TMPRSS11E: variants seen among roughly 807,000 people sequenced by gnomAD.
TMPRSS11E encodes the protein transmembrane serine protease 11E, also known as transmembrane protease serine 11E.
In TMPRSS11E, 38 loss-of-function variants were observed where a neutral mutation model predicts 48.1. The observed-to-expected ratio is 0.79, with a 90% CI of 0.61 to 1.04. The LOEUF (loss-of-function observed/expected upper bound fraction) is 1.04. TMPRSS11E is among the 50% of genes least tolerant of loss of function. TMPRSS11E has a pLI of 0.00. For synonymous variants in TMPRSS11E, 158 were observed against 171.9 expected (o/e 0.92, Z 0.63); for missense variants, 530 against 510.8 (o/e 1.04, Z -0.36).
chr4:68,453,775 T>C (rs1038552452), intron 1 of TMPRSS11E, among the ~76,000 whole-genome samples: 2 of 151,962 alleles, frequency 1.3e-5, no homozygotes, highest in Non-Finnish European at 2.9e-5. Flanking sequence ...TTATTCCGTT[T>C]AATGTGAAAC....
In TMPRSS11E at chr4:68,468,794, T is replaced by C; in HGVS notation, c.259-85T>C. 6.5e-6 allele frequency: 7 copies of C among 1,070,418 alleles called. No homozygotes were observed. In the South Asian group the frequency reaches 9.0e-5, roughly 14 times the overall value. The allele number at this position is 1,070,418 out of a possible 1,614,324, so 66.3% of individuals were successfully genotyped here. On this transcript the variant is annotated intron_variant, in intron 3 of 9. Transcript: ENST00000305363. The stretch of plus-strand genomic sequence containing the variant: ...AATGTTTTTTGCTCTGTTTTGTTTT[T>C]TAATTTTCTAAAAAGCTTTGAATTA...
intron 2 of TMPRSS11E, among the ~76,000 whole-genome samples, chr4:68,463,217 CA>C (rs1728841454): frequency 6.6e-6 from 1 of 152,060 alleles, no homozygotes; most frequent in African/African-American, 2.4e-5. Flanking sequence ...ATATTTAAAA[CA>C]AAGATTTTTT....
At chr4:68,448,276 T>G (rs1728395699) in intron 1 of TMPRSS11E, among the ~76,000 whole-genome samples, 1 of 152,000 alleles carries the variant, frequency 6.6e-6, no homozygotes, top group African/African-American at 2.4e-5. Context: ...TGTTAAACTT[T>G]GAATGAAATC....
intron 2 of TMPRSS11E, among the ~76,000 whole-genome samples, chr4:68,464,299 A>G (rs1397199737): frequency 6.6e-6 from 1 of 152,242 alleles, no homozygotes. Flanking sequence ...AAAGGTAATC[A>G]GATTTGGAAA....
chr4:68,469,737 C>G (rs1729013398), intron 4 of TMPRSS11E, among the ~76,000 whole-genome samples: 1 of 151,858 alleles, frequency 6.6e-6, no homozygotes, highest in South Asian at 2.1e-4. Flanking sequence ...TATTGAAATA[C>G]AAGTTTCTAT....
chr4:68,496,834 T>C lies in TMPRSS11E; in HGVS notation c.*30T>C. On this transcript the variant is annotated 3_prime_UTR_variant, in exon 10 of 10. Transcript: ENST00000305363. ...GAAAAGCCTCATGGAACAGATAACA[T>C]TTTTTTTTGTTTTTTGGGTGTGGAG... 6.8e-6 allele frequency: 10 copies of C among 1,462,900 alleles called. No individual in the cohort carries two copies. Among genetic ancestry groups the C allele is most frequent in the Non-Finnish European group, 9.2e-6 (10 of 1,089,630 alleles). 90.6% of individuals were successfully genotyped at this position (1,462,900 alleles called of 1,614,324 possible). A position where few individuals can be genotyped will look rare whatever the true frequency, so the allele number is the denominator to read the frequency against.
intron 1 of TMPRSS11E, among the ~76,000 whole-genome samples, chr4:68,455,600 A>C (rs1728608324): frequency 2.0e-5 from 3 of 151,918 alleles, no homozygotes; most frequent in Admixed American, 1.3e-4. Context: ...AAATTTTAAA[A>C]AGTTTCTGAA....
chr4:68,479,499 A>G (rs1401766391), intron 9 of TMPRSS11E, among the ~76,000 whole-genome samples: 1 of 149,388 alleles, frequency 6.7e-6, no homozygotes, highest in Non-Finnish European at 1.5e-5. Flanking sequence ...ATATATATTT[A>G]TTTATATATA....
chr4:68,472,972 T>C (rs1273296906), intron 5 of TMPRSS11E, among the ~76,000 whole-genome samples: 2 of 152,114 alleles, frequency 1.3e-5, no homozygotes, highest in Admixed American at 6.6e-5. Context: ...TATAAGTACA[T>C]TTAACTTGTA....
chr4:68,448,786 C>A (rs552044058), intron 1 of TMPRSS11E, among the ~76,000 whole-genome samples: 1 of 151,792 alleles, frequency 6.6e-6, no homozygotes, highest in Non-Finnish European at 1.5e-5. Flanking sequence ...CAAACAAAAA[C>A]GTCTTCCTGA....
At chr4:68,486,292 C>T (rs1439243947) in intron 9 of TMPRSS11E, among the ~76,000 whole-genome samples, 1 of 152,130 alleles carries the variant, frequency 6.6e-6, no homozygotes, top group Non-Finnish European at 1.5e-5. Flanking sequence ...CATAAACTTT[C>T]CTGTTAATAC....
chr4:68,452,974 C>G (rs191040794), intron 1 of TMPRSS11E, among the ~76,000 whole-genome samples: 5 of 151,974 alleles, frequency 3.3e-5, no homozygotes, highest in African/African-American at 1.2e-4. Context: ...GTTTTCTTTA[C>G]TAGTTGAATC....
chr4:68,458,243 T>C (rs971606164), intron 1 of TMPRSS11E, among the ~76,000 whole-genome samples: 2 of 152,158 alleles, frequency 1.3e-5, no homozygotes, highest in African/African-American at 4.8e-5. Context: ...CTTTTTGCTG[T>C]TGCTGCTGCT....
At chr4:68,478,698 T>C (rs1729312955) in intron 8 of TMPRSS11E, 151 bp from the exon 9 acceptor site, 3 of 767,630 alleles carry the variant, frequency 3.9e-6, no homozygotes, top group Non-Finnish European at 4.2e-6. Context: ...CAAGCGATCC[T>C]CCAATCTCGG....
Position 68,496,838 on chromosome 4 carries a change from T to C in TMPRSS11E, c.*34T>C. On this transcript the variant is annotated 3_prime_UTR_variant, in exon 10 of 10. Transcript: ENST00000305363. ...AGCCTCATGGAACAGATAACATTTT[T>C]TTTTGTTTTTTGGGTGTGGAGGCCA... The C allele has an allele frequency of 6.4e-7, 1 of 1,568,848 alleles. No individual in the cohort carries two copies. Among genetic ancestry groups the C allele is most frequent in the Non-Finnish European group, 8.6e-7 (1 of 1,161,500 alleles).
intron 9 of TMPRSS11E, among the ~76,000 whole-genome samples, chr4:68,490,770 T>TTTTTC (rs2109720782): frequency 7.0e-6 from 1 of 143,188 alleles, no homozygotes; most frequent in South Asian, 2.4e-4. Flanking sequence ...TTTTTTTTTT[T>TTTTTC]TTTTTTTGAG....
chr4:68,465,542 C>T (rs1276542734), intron 2 of TMPRSS11E, among the ~76,000 whole-genome samples: 1 of 152,140 alleles, frequency 6.6e-6, no homozygotes, highest in Non-Finnish European at 1.5e-5. Flanking sequence ...ATTTACATTT[C>T]CAAGACTGTA....
Position 68,489,671 on chromosome 4 carries a change from C to T in TMPRSS11E, c.1111-6972C>T, listed in dbSNP as rs190429844. 2.0e-3 allele frequency among the ~76,000 whole-genome samples: 310 copies of T among 152,284 alleles called. 1 individual carries two copies. Among genetic ancestry groups the T allele is most frequent in the African/African-American group, 6.9e-3 (286 of 41,550 alleles). On this transcript the variant is annotated intron_variant, in intron 9 of 9. Coordinates refer to ENST00000305363, the MANE Select transcript of TMPRSS11E (RefSeq NM_014058.4). ...CTCTCCAGCTGTTAGGCAGGGTCTGCCATCAAAATAGCAATGGCTGTGGCT... is the reference window on the plus strand; with the variant it reads ...CTCTCCAGCTGTTAGGCAGGGTCTGTCATCAAAATAGCAATGGCTGTGGCT...
intron 3 of TMPRSS11E, among the ~76,000 whole-genome samples, 177 bp from the exon 4 acceptor site, chr4:68,468,702 T>A (rs1442333021): frequency 6.6e-6 from 1 of 152,066 alleles, no homozygotes; most frequent in Non-Finnish European, 1.5e-5. Flanking sequence ...CAGCGTTCAG[T>A]TGAAATCACT....
Sources: gnomAD v4.1 joint callset for allele counts (sites outside exome capture counted in the v4.1 genomes callset) on GRCh38, gnomAD v4.1.1 for gene constraint, MANE v1.5 for transcripts, NCBI Gene and HGNC (gene_info 2026-07-23, HGNC 2026-07-21) for gene names.